Variants in RANBP2 observed in about 807,000 individuals in gnomAD.
RANBP2 encodes RAN binding protein 2.
RANBP2 carries 57 observed loss-of-function variants against 303.6 expected under a neutral mutation model. The observed-to-expected ratio is 0.19, with a 90% CI of 0.15 to 0.23. RANBP2 has a LOEUF of 0.23. Among genes scored for constraint, RANBP2 ranks in the 10% least tolerant of loss-of-function variants. RANBP2 has a pLI of 1.00. For missense variants in RANBP2, 3,138 were observed against 3,780.8 expected (o/e 0.83, Z 4.46); for synonymous variants, 1,167 against 1,301.5 (o/e 0.90, Z 2.23).
the RANBP2 span, chr2:109,545,720 G>A: frequency 6.9e-7 from 1 of 1,444,466 alleles, no homozygotes; most frequent in Non-Finnish European, 9.0e-7. Context: ...GCCATTAGCT[G>A]TGTACTAGGG....
chr2:109,237,498 G>C, the RANBP2 span, among the ~76,000 whole-genome samples: 4 of 152,218 alleles, frequency 2.6e-5, no homozygotes, highest in Non-Finnish European at 5.9e-5. Flanking sequence ...AAACAAGCTT[G>C]TCCAACCCGC....
chr2:109,368,819 T>C, the RANBP2 span, among the ~76,000 whole-genome samples: 83 of 152,334 alleles, frequency 5.4e-4, 1 homozygote, highest in African/African-American at 1.8e-3. Context: ...TATCTTGTGA[T>C]ATTTTGCTGT....
At chr2:109,432,766 G>T in the RANBP2 span, 1 of 1,458,374 alleles carries the variant, frequency 6.9e-7, no homozygotes, top group Non-Finnish European at 9.1e-7. Flanking sequence ...CTGTCAGCCG[G>T]GCCCAGAAGG....
the RANBP2 span, among the ~76,000 whole-genome samples, chr2:109,172,819 G>A: frequency 6.6e-6 from 1 of 152,254 alleles, no homozygotes; most frequent in South Asian, 2.1e-4. Flanking sequence ...GTGCCAGCAC[G>A]AAGCCTCGAC....
the RANBP2 span, among the ~76,000 whole-genome samples, chr2:109,049,234 C>T: frequency 6.6e-6 from 1 of 152,198 alleles, no homozygotes; most frequent in South Asian, 2.1e-4. Flanking sequence ...CCTGCTGATG[C>T]AGGCTGCAGA....
At chr2:109,564,896 TAA>T in the RANBP2 span, among the ~76,000 whole-genome samples, 22 of 152,342 alleles carry the variant, frequency 1.4e-4, no homozygotes, top group African/African-American at 5.3e-4. Flanking sequence ...ACATAATGTT[TAA>T]AGAGTATGTA....
intron 1 of RANBP2, 29 bp downstream of exon 1, chr2:108,719,707 C>G: frequency 1.3e-6 from 2 of 1,575,150 alleles, no homozygotes; most frequent in East Asian, 2.3e-5. Context: ...GACCGACGGC[C>G]TCGACCTGGC....
Position 108,763,669 on chromosome 2 carries a change from T to C in RANBP2, c.3130T>C (p.Phe1044Leu). ...NSNFKSNDGD[F>L]TFSSPQVVTQ... is the part of the protein sequence containing the mutation. ...AAATTTCAAATCAAATGATGGTGACTTCACGTTTTCCTCACCACAGGTTGT... is the reference window on the plus strand; with the variant it reads ...AAATTTCAAATCAAATGATGGTGACCTCACGTTTTCCTCACCACAGGTTGT... Residue 1044 changes from phenylalanine to leucine, a missense_variant, in exon 20 of 29, where the codon TTC becomes CTC. Coordinates refer to ENST00000283195, the MANE Select transcript of RANBP2 (RefSeq NM_006267.5). 1.2e-6 allele frequency: 2 copies of C among 1,614,154 alleles called. No homozygotes were observed. Among genetic ancestry groups the C allele is most frequent in the Non-Finnish European group, 1.7e-6 (2 of 1,180,000 alleles).
chr2:108,791,622 T>C, the RANBP2 span: 1 of 1,569,394 alleles, frequency 6.4e-7, no homozygotes, highest in Non-Finnish European at 8.7e-7. Context: ...TTTATCTTTT[T>C]AAAGTGCTAT....
At chr2:108,901,852 C>T in the RANBP2 span, among the ~76,000 whole-genome samples, 1 of 152,178 alleles carries the variant, frequency 6.6e-6, no homozygotes, top group Non-Finnish European at 1.5e-5. Flanking sequence ...GCCTGTAATC[C>T]CAGCACTTTG....
At chr2:109,359,129 T>A in the RANBP2 span, among the ~76,000 whole-genome samples, 2 of 152,250 alleles carry the variant, frequency 1.3e-5, no homozygotes, top group Non-Finnish European at 2.9e-5. Flanking sequence ...TTCCATTCCA[T>A]TGATCTAGTT....
the RANBP2 span, among the ~76,000 whole-genome samples, chr2:109,658,898 C>G: frequency 6.6e-6 from 1 of 152,084 alleles, no homozygotes; most frequent in Non-Finnish European, 1.5e-5. Context: ...AACCCTGTCT[C>G]TGCTAAAAAT....
At chr2:109,616,548 G>A in the RANBP2 span, 2 of 167,098 alleles carry the variant, frequency 1.2e-5, no homozygotes, top group African/African-American at 4.8e-5. Flanking sequence ...TTTACTAATT[G>A]CATTTGCATT....
the RANBP2 span, among the ~76,000 whole-genome samples, chr2:108,894,137 A>AAAT: frequency 1.1e-4 from 17 of 152,218 alleles, no homozygotes; most frequent in Non-Finnish European, 4.4e-5. Context: ...CTATGATAAT[A>AAAT]AATGACTGTT....
chr2:109,407,525 G>T, the RANBP2 span, among the ~76,000 whole-genome samples: 1 of 152,128 alleles, frequency 6.6e-6, no homozygotes, highest in Admixed American at 6.5e-5. Context: ...AAAGCTGAAG[G>T]AGCTGAAGCA....
chr2:109,022,777 GT>G, the RANBP2 span, among the ~76,000 whole-genome samples: 3 of 152,190 alleles, frequency 2.0e-5, no homozygotes, highest in African/African-American at 2.4e-5. Flanking sequence ...TTGGCTGGGC[GT>G]GGTGGCTCAC....
At chr2:109,280,623 C>T in the RANBP2 span, among the ~76,000 whole-genome samples, 1 of 152,248 alleles carries the variant, frequency 6.6e-6, no homozygotes, top group Non-Finnish European at 1.5e-5. Context: ...ACAATCTACA[C>T]TAATAGATCT....
the RANBP2 span, among the ~76,000 whole-genome samples, chr2:109,547,667 T>C: frequency 5.3e-5 from 8 of 152,170 alleles, no homozygotes; most frequent in African/African-American, 1.2e-4. Flanking sequence ...ATATGGATCA[T>C]AGAAGGCATA....
the RANBP2 span, among the ~76,000 whole-genome samples, chr2:109,431,569 T>C: frequency 6.6e-6 from 1 of 152,174 alleles, no homozygotes; most frequent in Non-Finnish European, 1.5e-5. Context: ...ACCACTAAAT[T>C]TGCTCTTTCC....
Sources: allele counts gnomAD v4.1 joint callset (sites outside exome capture counted in the v4.1 genomes callset), GRCh38; gene constraint gnomAD v4.1.1; transcripts MANE v1.5; gene names NCBI Gene and HGNC (gene_info 2026-07-23, HGNC 2026-07-21).